CARMIL1: variants seen among roughly 807,000 people sequenced by gnomAD.
CARMIL1 encodes capping protein regulator and myosin 1 linker 1.
Under a neutral mutation model 177.1 loss-of-function variants are expected in CARMIL1, and 90 were observed. The observed-to-expected ratio is 0.51, with a 90% CI of 0.43 to 0.61. The LOEUF (loss-of-function observed/expected upper bound fraction) is 0.61. Ranked by LOEUF, CARMIL1 falls within the 20% of genes least tolerant of loss-of-function variation. The probability of loss-of-function intolerance (pLI) is 0.00; values close to 1 mark genes in which losing one functional copy is unlikely to be tolerated. For missense variants in CARMIL1, 1,380 were observed against 1,667.0 expected, an observed-to-expected ratio of 0.83 and a Z score of 3.00; for synonymous variants, 577 against 606.2, an observed-to-expected ratio of 0.95 and a Z score of 0.71.
intron 5 of CARMIL1, among the ~76,000 whole-genome samples, chr6:25,441,327 A>ATG (rs1797733055): frequency 1.9e-5 from 1 of 51,872 alleles, no homozygotes; most frequent in African/African-American, 7.8e-5. Context: ...AAACATATAT[A>ATG]TATATATATA....
chr6:25,511,974 A>T (rs1012923293), intron 20 of CARMIL1, among the ~76,000 whole-genome samples: 3 of 152,238 alleles, frequency 2.0e-5, no homozygotes, highest in African/African-American at 7.2e-5. Context: ...GGGTATAATT[A>T]GAATGTAATT....
chr6:25,449,838 T>C lies in CARMIL1; in HGVS notation c.372-60T>C, dbSNP rs1040550237. On this transcript the variant is annotated intron_variant, in intron 5 of 36. Transcript: ENST00000329474. ...AGAAAAAGGAATGTGACAAAATTTA[T>C]TTCTATGTGCAGTCAAAAAGTGTGG... 5.4e-5 allele frequency: 51 copies of C among 938,320 alleles called. No individual in the cohort carries two copies. The African/African-American group carries it at 7.4e-4, about 14-fold the overall frequency. The allele number at this position is 938,320 out of a possible 1,614,324, so 58.1% of individuals were successfully genotyped here. A position where few individuals can be genotyped will look rare whatever the true frequency, so the allele number is the denominator to read the frequency against.
intron 24 of CARMIL1, among the ~76,000 whole-genome samples, chr6:25,532,529 T>C (rs1409977872): frequency 6.6e-6 from 1 of 152,204 alleles, no homozygotes; most frequent in African/African-American, 2.4e-5. Flanking sequence ...GAGATTTACC[T>C]TGAAGATTGC....
At chr6:25,596,077 T>C (rs1245286026) in intron 32 of CARMIL1, among the ~76,000 whole-genome samples, 2 of 152,218 alleles carry the variant, frequency 1.3e-5, no homozygotes, top group Non-Finnish European at 2.9e-5. Flanking sequence ...GAACTGTACA[T>C]ATTGTTATAC....
chr6:25,603,289 A>G (rs1474693142), intron 33 of CARMIL1, among the ~76,000 whole-genome samples: 1 of 152,216 alleles, frequency 6.6e-6, no homozygotes, highest in East Asian at 1.9e-4. Context: ...TTAGGGGATC[A>G]CTTTTCCATA....
intron 11 of CARMIL1, among the ~76,000 whole-genome samples, chr6:25,481,913 AG>A (rs1802152563): frequency 6.6e-6 from 1 of 152,226 alleles, no homozygotes; most frequent in African/African-American, 2.4e-5. Flanking sequence ...TCATTAAGAC[AG>A]GTTAAAAAGA....
chr6:25,417,406 T>G (rs1038987163), intron 2 of CARMIL1, among the ~76,000 whole-genome samples: 1 of 151,102 alleles, frequency 6.6e-6, no homozygotes, highest in Non-Finnish European at 1.5e-5. Context: ...CTGCAAACTC[T>G]TAATTCCCTG....
At chr6:25,553,560 T>C (rs1810331134) in intron 27 of CARMIL1, among the ~76,000 whole-genome samples, 1 of 152,158 alleles carries the variant, frequency 6.6e-6, no homozygotes, top group African/African-American at 2.4e-5. Flanking sequence ...TATCATTTGA[T>C]TGGTGAAAAG....
intron 23 of CARMIL1, among the ~76,000 whole-genome samples, chr6:25,524,841 A>T (rs1246775292): frequency 2.6e-5 from 4 of 152,160 alleles, no homozygotes; most frequent in Non-Finnish European, 2.9e-5. Context: ...GAAATGAAGA[A>T]TGCCTTTGAT....
At chr6:25,500,261 T>C (rs769457038) in intron 17 of CARMIL1, 26 bp downstream of exon 17, 14 of 1,596,140 alleles carry the variant, frequency 8.8e-6, no homozygotes, top group Middle Eastern at 1.7e-4. Flanking sequence ...GATTGTATAC[T>C]GGAATAGATA....
At chr6:25,431,878 A>G (rs1236844374) in intron 4 of CARMIL1, among the ~76,000 whole-genome samples, 1 of 152,202 alleles carries the variant, frequency 6.6e-6, no homozygotes, top group African/African-American at 2.4e-5. Context: ...GACCCACAGT[A>G]TGGACCTTTG....
At chr6:25,617,427 G>A (rs556698267) in intron 36 of CARMIL1, among the ~76,000 whole-genome samples, 1 of 152,152 alleles carries the variant, frequency 6.6e-6, no homozygotes, top group Non-Finnish European at 1.5e-5. Context: ...AGAATGAAAA[G>A]CTTGATTATC....
chr6:25,319,904 A>G (rs889041668), intron 2 of CARMIL1, among the ~76,000 whole-genome samples: 5 of 151,812 alleles, frequency 3.3e-5, no homozygotes, highest in African/African-American at 1.2e-4. Context: ...TCACCTCTTT[A>G]AAGAAATATA....
intron 17 of CARMIL1, among the ~76,000 whole-genome samples, chr6:25,501,753 G>A (rs553580728): frequency 6.6e-6 from 1 of 151,982 alleles, no homozygotes; most frequent in Non-Finnish European, 1.5e-5. Context: ...ACTATATTTT[G>A]TATTTCCCCT....
intron 2 of CARMIL1, among the ~76,000 whole-genome samples, chr6:25,369,225 G>A (rs1254006050): frequency 3.3e-5 from 5 of 152,140 alleles, no homozygotes; most frequent in African/African-American, 7.2e-5. Flanking sequence ...AGTCCCAGAC[G>A]GGGAACTCAT....
chr6:25,492,022 C>T lies in CARMIL1; in HGVS notation c.1218C>T (p.His406=), dbSNP rs1361392687. 6.2e-7 allele frequency: 1 copy of T among 1,612,426 alleles called. No homozygotes were observed. The highest frequency in any genetic ancestry group is 1.1e-5 in the South Asian group (1 of 90,984). Residue 406 remains histidine, a splice_region_variant and synonymous_variant, in exon 15 of 37, where the codon CAC becomes CAT. Transcript: ENST00000329474. The stretch of plus-strand genomic sequence containing the variant: ...ACCTCTCCAGAACTGTCTTCTCTCA[C>T]CGGTATAGATTTATTTCTGCTCTCA... ...VLNLSRTVFS[H]RKGKEVPPSF... is the part of the protein sequence containing the mutation.
At chr6:25,445,984 C>CT (rs1192304403) in intron 5 of CARMIL1, among the ~76,000 whole-genome samples, 11 of 152,276 alleles carry the variant, frequency 7.2e-5, no homozygotes, top group Middle Eastern at 3.4e-3. Context: ...ACAGGAATCT[C>CT]TTTTTCTGAG....
At chr6:25,580,783 T>G in intron 29 of CARMIL1, 141 bp from the exon 30 acceptor site, 1 of 640,076 alleles carries the variant, frequency 1.6e-6, no homozygotes, top group Non-Finnish European at 2.7e-6. Flanking sequence ...GTTTGGTCTC[T>G]TCAGTTAGGT....
chr6:25,405,924 C>G (rs1794327000), intron 2 of CARMIL1, among the ~76,000 whole-genome samples: 1 of 152,104 alleles, frequency 6.6e-6, no homozygotes, highest in Admixed American at 6.6e-5. Context: ...TTCTAAAATC[C>G]TGAATTTTCA....
Sources: gnomAD v4.1 joint callset for allele counts (sites outside exome capture counted in the v4.1 genomes callset) on GRCh38, gnomAD v4.1.1 for gene constraint, MANE v1.5 for transcripts, NCBI Gene and HGNC (gene_info 2026-07-23, HGNC 2026-07-21) for gene names.